Variants in EPS8 observed in about 807,000 individuals in gnomAD.
EPS8 encodes the protein epidermal growth factor receptor kinase substrate 8.
In EPS8, 42 loss-of-function variants were observed where a neutral mutation model predicts 103.8. The ratio of observed to expected loss-of-function variants is 0.40; its 90% CI spans 0.32 to 0.52. The LOEUF (loss-of-function observed/expected upper bound fraction) is 0.52. Ranked by LOEUF, EPS8 falls within the 20% of genes least tolerant of loss-of-function variation. EPS8 has a pLI of 0.40. For missense variants in EPS8, 969 were observed against 1,005.1 expected (o/e 0.96, Z 0.49); for synonymous variants, 344 against 344.6 (o/e 1.00, Z 0.02).
At chr12:15,710,772 A>G (rs1946451841) in intron 1 of EPS8, among the ~76,000 whole-genome samples, 1 of 152,226 alleles carries the variant, frequency 6.6e-6, no homozygotes, top group African/African-American at 2.4e-5. Flanking sequence ...TACATTAGAA[A>G]TATCCTATAA....
chr12:15,727,196 C>A lies in EPS8; in HGVS notation c.-21-44224G>T, dbSNP rs1046075656. 1.3e-5 allele frequency among the ~76,000 whole-genome samples: 2 copies of A among 152,140 alleles called. No homozygotes were observed. The highest frequency in any genetic ancestry group is 4.8e-5 in the African/African-American group (2 of 41,420). On this transcript the variant is annotated intron_variant, in intron 1 of 20. Transcript: ENST00000281172. The surrounding 1 kb of genome is among the most constrained non-coding windows in gnomAD (Gnocchi z 4.3). ...TTAAATTTTTTACAAAGCCTGGGCACCTGGGGTTCTGATTACTTCCCTCGT... is the reference window on the plus strand; with the variant it reads ...TTAAATTTTTTACAAAGCCTGGGCAACTGGGGTTCTGATTACTTCCCTCGT...
rs934940480 is a variant in EPS8, at chr12:15,779,789, C to T, written c.-22+9372G>A. Among the ~76,000 whole-genome samples the T allele has an allele frequency of 2.0e-5, 3 of 152,036 alleles. No individual in the cohort carries two copies. The highest frequency in any genetic ancestry group is 4.8e-5 in the African/African-American group (2 of 41,400). On this transcript the variant is annotated intron_variant, in intron 1 of 20. Transcript: ENST00000281172. This position sits in a 1 kb window ranked among gnomAD's most constrained non-coding sequence, Gnocchi z 4.3. ...AAAACACAATTTTTCAATTATAGAA[C>T]TCTGATCTCTTATCAAGCACATAAT...
At position 15,669,397 on chromosome 12, in the gene EPS8, T is replaced by A; in HGVS notation, c.506A>T (p.Asp169Val). 1.4e-5 allele frequency: 22 copies of A among 1,610,958 alleles called. No individual in the cohort carries two copies. Among genetic ancestry groups the A allele is most frequent in the Non-Finnish European group, 1.8e-5 (21 of 1,179,114 alleles). ...NKPDLHLFQC[D>V]EVKANLISED... The stretch of plus-strand genomic sequence containing the variant: ...TCACCATTCTTTTACCTTAACCTCA[T>A]CACACTGGAAGAGATGAAGATCTGG... The change falls in exon 6 of 21, where the codon GAT (aspartate) becomes GTT (valine). Residue 169 changes from aspartate to valine, a missense_variant. By Grantham distance (152) the Asp-to-Val change is radical (BLOSUM62 -3). Coordinates refer to ENST00000281172, the MANE Select transcript of EPS8 (RefSeq NM_004447.6).
At chr12:15,622,655 C>G (rs182825467) in intron 20 of EPS8, among the ~76,000 whole-genome samples, 1 of 152,054 alleles carries the variant, frequency 6.6e-6, no homozygotes, top group East Asian at 1.9e-4. Flanking sequence ...TGATTAAATA[C>G]TTTTCCAGGC....
At chr12:15,657,861 A>G in intron 12 of EPS8, 1 of 490,998 alleles carries the variant, frequency 2.0e-6, no homozygotes, top group Non-Finnish European at 3.6e-6. Flanking sequence ...ACTGTCAGAG[A>G]TACCAGTTTC....
At chr12:15,653,727 T>C (rs747706702) in intron 13 of EPS8, among the ~76,000 whole-genome samples, 1 of 152,230 alleles carries the variant, frequency 6.6e-6, no homozygotes, top group Non-Finnish European at 1.5e-5. Context: ...CTCTGTGCCT[T>C]ACTTTCCTCA....
intron 1 of EPS8, among the ~76,000 whole-genome samples, chr12:15,710,122 T>G (rs1946442466): frequency 6.6e-6 from 1 of 152,200 alleles, no homozygotes; most frequent in African/African-American, 2.4e-5. Flanking sequence ...ATACTCACTA[T>G]GTCATTTGGT....
rs188584910 is a variant in EPS8, at chr12:15,632,035, G to T, written c.1822-371C>A. The stretch of plus-strand genomic sequence containing the variant: ...ATAATAATTTCCAATTGCACTGGAA[G>T]TCTAAATGTCAACAGCATAAAGCAT... On this transcript the variant is annotated intron_variant, in intron 17 of 20. Transcript: ENST00000281172. 3.6e-3 allele frequency among the ~76,000 whole-genome samples: 550 copies of T among 152,246 alleles called. 4 individuals are homozygous for T. The highest frequency in any genetic ancestry group is 0.012 in the African/African-American group (513 of 41,558).
At chr12:15,703,658 A>T (rs1946341571) in intron 1 of EPS8, among the ~76,000 whole-genome samples, 1 of 151,438 alleles carries the variant, frequency 6.6e-6, no homozygotes. Context: ...ATCTTTTAGG[A>T]GATGGTAAGG....
At chr12:15,621,970 A>T (rs1307775342) in intron 20 of EPS8, among the ~76,000 whole-genome samples, 1 of 152,070 alleles carries the variant, frequency 6.6e-6, no homozygotes, top group Admixed American at 6.6e-5. Context: ...GGAAAGGGTG[A>T]GGTGGTAGAA....
In EPS8 at chr12:15,724,342, T is replaced by C. The variant is rs568742016; in HGVS notation, c.-21-41370A>G. On this transcript the variant is annotated intron_variant, in intron 1 of 20. Transcript: ENST00000281172. ...AATCATATAAACTAATTCAGATCAG[T>C]TCTATTTCAAATTTTGACTGTTATG... Among the ~76,000 whole-genome samples the C allele has an allele frequency of 3.9e-5, 6 of 152,198 alleles. No individual in the cohort carries two copies. The South Asian group carries it at 6.2e-4, about 16-fold the overall frequency.
intron 6 of EPS8, 145 bp from the exon 7 acceptor site, chr12:15,666,667 A>G: frequency 1.6e-6 from 1 of 607,024 alleles, no homozygotes; most frequent in Non-Finnish European, 2.9e-6. Flanking sequence ...CTTGCAAAAC[A>G]TGACTCTTGT....
chr12:15,713,130 T>C lies in EPS8; in HGVS notation c.-21-30158A>G, dbSNP rs1450588615. On this transcript the variant is annotated intron_variant, in intron 1 of 20. Transcript: ENST00000281172. This position sits in a 1 kb window ranked among gnomAD's most constrained non-coding sequence, Gnocchi z 4.8. ...GATGATTTTTTTTTTAAGTTTTAAA[T>C]GGTGAAAATAATACTGGCTAGCATT... 1 of 314,888 alleles carries C rather than the reference T, an allele frequency of 3.2e-6. No homozygotes were observed. The highest frequency in any genetic ancestry group is 4.6e-6 in the Non-Finnish European group (1 of 217,298). The allele number at this position is 314,888 out of a possible 1,614,324, so 19.5% of individuals were successfully genotyped here.
intron 12 of EPS8, among the ~76,000 whole-genome samples, chr12:15,657,179 T>C (rs565647960): frequency 6.6e-6 from 1 of 152,328 alleles, no homozygotes; most frequent in East Asian, 1.9e-4. Flanking sequence ...CAGCTCTACT[T>C]ATTCCAAGAA....
chr12:15,743,012 C>T (rs1223904879), intron 1 of EPS8, among the ~76,000 whole-genome samples: 3 of 152,228 alleles, frequency 2.0e-5, no homozygotes, highest in South Asian at 4.1e-4. Flanking sequence ...TCTAGAAAAC[C>T]CCATCGTCTC....
intron 1 of EPS8, among the ~76,000 whole-genome samples, chr12:15,753,275 G>T (rs1453221589): frequency 1.3e-5 from 2 of 152,122 alleles, no homozygotes; most frequent in Non-Finnish European, 2.9e-5. Context: ...AAGTAAAATT[G>T]TAAGAATGCT....
chr12:15,754,154 C>A (rs1258086573), intron 1 of EPS8, among the ~76,000 whole-genome samples: 1 of 152,036 alleles, frequency 6.6e-6, no homozygotes, highest in Non-Finnish European at 1.5e-5. Flanking sequence ...TGAATTCTCT[C>A]TGTCCCAAGG....
At chr12:15,635,946 T>C (rs1945126663) in intron 17 of EPS8, among the ~76,000 whole-genome samples, 1 of 151,938 alleles carries the variant, frequency 6.6e-6, no homozygotes. Context: ...AGAATACCTA[T>C]AACAATAATA....
Position 15,760,853 on chromosome 12 carries a change from G to A in EPS8, c.-22+28308C>T, listed in dbSNP as rs1947033892. Among the ~76,000 whole-genome samples the A allele has an allele frequency of 1.3e-5, 2 of 151,980 alleles. No homozygotes were observed. Among genetic ancestry groups the A allele is most frequent in the South Asian group, 4.1e-4 (2 of 4,832 alleles). On this transcript the variant is annotated intron_variant, in intron 1 of 20. Coordinates refer to ENST00000281172, the MANE Select transcript of EPS8 (RefSeq NM_004447.6). This position sits in a 1 kb window ranked among gnomAD's most constrained non-coding sequence, Gnocchi z 4.5. ...CCCACAACTAGTATCATATTGAATG[G>A]GGAAAACCTGATAAGCCTTTCCTCT...
Sources: gnomAD v4.1 joint callset for allele counts (sites outside exome capture counted in the v4.1 genomes callset) on GRCh38, gnomAD v4.1.1 for gene constraint, Gnocchi (gnomAD v3.1) non-coding constraint, MANE v1.5 for transcripts, NCBI Gene and HGNC (gene_info 2026-07-23, HGNC 2026-07-21) for gene names.